The following INVS variants were observed in gnomAD, a reference collection of about 807,000 sequenced individuals.
The protein encoded by INVS is inversion of embryo turning homolog.
Under a neutral mutation model 108.8 loss-of-function variants are expected in INVS, and 86 were observed. That is an observed-to-expected ratio of 0.79 (90% CI 0.66 to 0.95). INVS has a LOEUF of 0.95. Ranked by LOEUF, INVS falls within the 40% of genes least tolerant of loss-of-function variation. The pLI is 0.00. For missense variants in INVS, 1,169 were observed against 1,297.4 expected (o/e 0.90, Z 1.52); for synonymous variants, 455 against 473.5 (o/e 0.96, Z 0.51).
At chr9:100,282,569 C>T (rs558075089) in intron 12 of INVS, among the ~76,000 whole-genome samples, 1 of 152,276 alleles carries the variant, frequency 6.6e-6, no homozygotes, top group African/African-American at 2.4e-5. Flanking sequence ...GCTTTCCTGT[C>T]GCTTGAGATC....
intron 3 of INVS, among the ~76,000 whole-genome samples, chr9:100,214,386 C>A (rs1018671512): frequency 2.6e-5 from 4 of 152,132 alleles, no homozygotes; most frequent in Non-Finnish European, 4.4e-5. Context: ...TACACCATGG[C>A]CTACTCTTTC....
chr9:100,223,013 T>C (rs1326130364), intron 3 of INVS, among the ~76,000 whole-genome samples: 1 of 151,984 alleles, frequency 6.6e-6, no homozygotes, highest in Admixed American at 6.6e-5. Context: ...AAATACCAGG[T>C]ATTTGAGAAT....
rs1457814729 is a variant in INVS at position 100,292,947 on chromosome 9, AG to A, written c.2691del (p.Glu897AspfsTer6). The A allele has an allele frequency of 6.2e-7, 1 of 1,612,984 alleles. No individual in the cohort carries two copies. Among genetic ancestry groups the A allele is most frequent in the African/African-American group, 1.3e-5 (1 of 74,904 alleles). ...QSVNIDLLPV[E>X]LRLQIIQRER... ...GTGAATATTGACCTTCTCCCCGTAGAGCTCCGACTGCAGATAATTCAGAGAG... is the reference window on the plus strand; with the variant it reads ...GTGAATATTGACCTTCTCCCCGTAGACTCCGACTGCAGATAATTCAGAGAG... On this transcript the variant is annotated frameshift_variant, in exon 14 of 17. Coordinates refer to ENST00000262457, the MANE Select transcript of INVS (RefSeq NM_014425.5). LOFTEE classifies it high-confidence loss of function.
intron 13 of INVS, among the ~76,000 whole-genome samples, chr9:100,287,078 T>G (rs1301331607): frequency 6.6e-6 from 1 of 152,224 alleles, no homozygotes; most frequent in Non-Finnish European, 1.5e-5. Context: ...ACGGGCTTCA[T>G]CTGGTCTCAC....
At chr9:100,179,050 C>T (rs113746991) in intron 3 of INVS, among the ~76,000 whole-genome samples, 5 of 152,158 alleles carry the variant, frequency 3.3e-5, no homozygotes, top group Non-Finnish European at 4.4e-5. Flanking sequence ...GCTTCATAAG[C>T]GAAGGAGAAA....
At chr9:100,167,323 A>G (rs1829394222) in intron 3 of INVS, among the ~76,000 whole-genome samples, 1 of 151,978 alleles carries the variant, frequency 6.6e-6, no homozygotes, top group Admixed American at 6.6e-5. Flanking sequence ...TGTTGTTTGT[A>G]TGACCTTATT....
intron 8 of INVS, among the ~76,000 whole-genome samples, chr9:100,248,853 C>T (rs1832130626): frequency 6.6e-6 from 1 of 151,696 alleles, no homozygotes; most frequent in Admixed American, 6.6e-5. Flanking sequence ...TGTTTGTGTC[C>T]TGCTCTTGCT....
intron 3 of INVS, among the ~76,000 whole-genome samples, chr9:100,142,164 T>C (rs967558932): frequency 6.6e-6 from 1 of 152,092 alleles, no homozygotes; most frequent in African/African-American, 2.4e-5. Flanking sequence ...TTGAGAAGCG[T>C]TTTTATTAAA....
At chr9:100,208,891 G>T (rs1352836349) in intron 3 of INVS, among the ~76,000 whole-genome samples, 1 of 152,182 alleles carries the variant, frequency 6.6e-6, no homozygotes, top group Non-Finnish European at 1.5e-5. Flanking sequence ...GGAGAGCAAT[G>T]ATGGTATCTG....
In INVS at chr9:100,266,425, G is replaced by A. The variant is rs915997794; in HGVS notation, c.1571+1497G>A. 4.6e-5 allele frequency among the ~76,000 whole-genome samples: 7 copies of A among 152,296 alleles called. No homozygotes were observed. In the South Asian group the frequency reaches 8.3e-4, roughly 18 times the overall value. ...TTTTTGATGATATGCTAACCAAGGG[G>A]TGGATTATCCATGCCTCCCCTTTTC... On this transcript the variant is annotated intron_variant, in intron 11 of 16. Coordinates refer to ENST00000262457, the MANE Select transcript of INVS (RefSeq NM_014425.5).
chr9:100,270,654 G>A (rs1832924109), intron 11 of INVS, among the ~76,000 whole-genome samples: 1 of 151,426 alleles, frequency 6.6e-6, no homozygotes, highest in South Asian at 2.1e-4. Context: ...AGGCTGAGAT[G>A]GGAGAATTGC....
chr9:100,255,936 T>G (rs922390140), intron 10 of INVS, among the ~76,000 whole-genome samples: 2 of 152,232 alleles, frequency 1.3e-5, no homozygotes, highest in East Asian at 1.9e-4. Flanking sequence ...CATAAAATGA[T>G]TTAGGGAGGA....
At chr9:100,255,355 C>T (rs1252743649) in intron 10 of INVS, among the ~76,000 whole-genome samples, 40 of 151,996 alleles carry the variant, frequency 2.6e-4, no homozygotes, top group Admixed American at 1.0e-3. Flanking sequence ...TCATGTCATC[C>T]GCAAACAGGG....
rs1158117971 is a variant in INVS, at chr9:100,157,231, A to C, written c.273+30682A>C. Among the ~76,000 whole-genome samples, 5 of 151,500 alleles carry C rather than the reference A, an allele frequency of 3.3e-5. No homozygotes were observed. In the East Asian group the frequency reaches 9.6e-4, roughly 29 times the overall value. ...TATACATATGTATCATATAGATTGC[A>C]AAAATTTAAAGAAATAGTAAAAATT... On this transcript the variant is annotated intron_variant, in intron 3 of 16. Coordinates refer to ENST00000262457, the MANE Select transcript of INVS (RefSeq NM_014425.5).
chr9:100,287,984 T>A (rs370947335), intron 13 of INVS, among the ~76,000 whole-genome samples: 22 of 152,088 alleles, frequency 1.4e-4, no homozygotes, highest in African/African-American at 5.3e-4. Context: ...AGATACATTA[T>A]CAACACCCCC....
chr9:100,108,285 T>C (rs797007873), intron 2 of INVS, among the ~76,000 whole-genome samples: 2 of 152,286 alleles, frequency 1.3e-5, no homozygotes, highest in African/African-American at 4.8e-5. Flanking sequence ...AGCCAGTAGG[T>C]AGCTAATAAA....
rs114912725 is a variant in INVS, at chr9:100,253,046, C to A, written c.1374C>A (p.Thr458=). The change falls in exon 10 of 17, where the codon ACC becomes ACA. Residue 458 remains threonine (T), a synonymous_variant. Transcript: ENST00000262457. ...ATGTCCAGGATTATGCAGGAAGAACCCCTTTGCAGTGTGCAGCATATGGAG... is the reference window on the plus strand; with the variant it reads ...ATGTCCAGGATTATGCAGGAAGAACACCTTTGCAGTGTGCAGCATATGGAG... ...NPNVQDYAGR[T]PLQCAAYGGY... is the part of the protein sequence containing the mutation. 1.1e-4 allele frequency: 174 copies of A among 1,613,888 alleles called. 1 individual carries two copies. The East Asian group carries it at 3.2e-3, about 29-fold the overall frequency.
intron 2 of INVS, among the ~76,000 whole-genome samples, chr9:100,124,280 G>A (rs1827816583): frequency 6.6e-6 from 1 of 151,552 alleles, no homozygotes; most frequent in Admixed American, 6.6e-5. Flanking sequence ...TCCACTTTGA[G>A]TACAACATAG....
At chr9:100,153,682 A>T (rs1416445883) in intron 3 of INVS, among the ~76,000 whole-genome samples, 1 of 152,218 alleles carries the variant, frequency 6.6e-6, no homozygotes, top group African/African-American at 2.4e-5. Flanking sequence ...ATTTCTCCCA[A>T]TTCTGGAGAC....
Sources: gnomAD v4.1 joint callset for allele counts (sites outside exome capture counted in the v4.1 genomes callset) on GRCh38, gnomAD v4.1.1 for gene constraint, MANE v1.5 for transcripts, NCBI Gene and HGNC (gene_info 2026-07-23, HGNC 2026-07-21) for gene names.